MORC3: variants seen among roughly 807,000 people sequenced by gnomAD.
MORC3 encodes the protein MORC family CW-type zinc finger 3, also known as MORC family CW-type zinc finger protein 3.
MORC3 carries 31 observed loss-of-function variants against 109.1 expected under a neutral mutation model. That is an observed-to-expected ratio of 0.28 (90% CI 0.21 to 0.38). The LOEUF is 0.38. MORC3 is among the 10% of genes least tolerant of loss of function. MORC3 has a pLI of 1.00. For missense variants in MORC3, 867 were observed against 1,135.8 expected, an observed-to-expected ratio of 0.76 and a Z score of 3.40; for synonymous variants, 395 against 380.7, an observed-to-expected ratio of 1.04 and a Z score of -0.44.
intron 10 of MORC3, among the ~76,000 whole-genome samples, 162 bp from the exon 11 acceptor site, chr21:36,359,793 G>A (rs1206999107): frequency 2.6e-5 from 4 of 152,068 alleles, no homozygotes; most frequent in East Asian, 1.9e-4. Flanking sequence ...GGGATTATAG[G>A]CATGAGCCGT....
chr21:36,354,824 A>G (rs928333346), intron 9 of MORC3, among the ~76,000 whole-genome samples: 4 of 152,082 alleles, frequency 2.6e-5, no homozygotes, highest in African/African-American at 9.7e-5. Flanking sequence ...GTTCAGAAAC[A>G]CTCATCTCCA....
chr21:36,347,008 A>T (rs1601524769), intron 8 of MORC3, among the ~76,000 whole-genome samples: 1 of 101,572 alleles, frequency 9.8e-6, no homozygotes, highest in African/African-American at 6.2e-5. Context: ...CCTGTCTCTT[A>T]AAAAAAAAAA....
chr21:36,328,504 A>G (rs2085275596), intron 1 of MORC3, among the ~76,000 whole-genome samples: 1 of 151,354 alleles, frequency 6.6e-6, no homozygotes. Context: ...CCACGCCTGG[A>G]TATTTTTTGT....
At chr21:36,364,344 G>A in intron 14 of MORC3, 85 bp downstream of exon 14, 1 of 1,373,648 alleles carries the variant, frequency 7.3e-7, no homozygotes, top group Non-Finnish European at 1.0e-6. Flanking sequence ...TGCAATTCGG[G>A]ATCATTGTAG....
intron 12 of MORC3, chr21:36,360,961 A>G (rs1387905143): frequency 2.0e-5 from 3 of 151,800 alleles, no homozygotes; most frequent in Admixed American, 2.0e-4. Context: ...AATCCCAGCT[A>G]CTCGGGAGGC....
At chr21:36,368,312 G>A (rs1189055117) in intron 14 of MORC3, among the ~76,000 whole-genome samples, 1 of 151,192 alleles carries the variant, frequency 6.6e-6, no homozygotes, top group Non-Finnish European at 1.5e-5. Flanking sequence ...ATGGGCAAAT[G>A]AAAATGGTGG....
At chr21:36,341,972 A>G (rs988520470) in intron 6 of MORC3, among the ~76,000 whole-genome samples, 1 of 152,230 alleles carries the variant, frequency 6.6e-6, no homozygotes, top group Non-Finnish European at 1.5e-5. Context: ...TCACACCTGT[A>G]ATCCCAGCAC....
At chr21:36,330,942 T>C (rs951698152) in intron 1 of MORC3, among the ~76,000 whole-genome samples, 1 of 152,248 alleles carries the variant, frequency 6.6e-6, no homozygotes, top group Non-Finnish European at 1.5e-5. Flanking sequence ...TATGCTGTAT[T>C]ATGTGATGTC....
intron 6 of MORC3, among the ~76,000 whole-genome samples, chr21:36,343,449 CTTTTTTTTTTTTTTTTTGAGA>C (rs2085473892): frequency 1.8e-4 from 23 of 126,134 alleles, no homozygotes; most frequent in Admixed American, 1.4e-3. Context: ...TTTTTGCTTT[CTTTTTTTTTTTTTTTTTGAGA>C]CAGAGTCTCA....
rs532777441 is a variant in MORC3, at chr21:36,371,913, A to G, written c.2509-461A>G. Among the ~76,000 whole-genome samples the G allele has an allele frequency of 1.3e-4, 19 of 151,560 alleles. No individual in the cohort carries two copies. The South Asian group carries it at 2.1e-3, about 17-fold the overall frequency. ...ACCGCAACCTCCACCTCCTGGGTTC[A>G]AGCAGTTCTCCTGCCTCAGCCTCCC... On this transcript the variant is annotated intron_variant, in intron 15 of 16. Transcript: ENST00000400485.
intron 15 of MORC3, among the ~76,000 whole-genome samples, chr21:36,370,559 C>T (rs2085844347): frequency 7.0e-6 from 1 of 143,456 alleles, no homozygotes; most frequent in South Asian, 2.1e-4. Flanking sequence ...TTCAAGATTC[C>T]TGAGAGAAAC....
chr21:36,370,577 T>C (rs147102402), intron 15 of MORC3, among the ~76,000 whole-genome samples: 3,165 of 145,482 alleles, frequency 0.022, 57 homozygotes, highest in Admixed American at 0.042. Flanking sequence ...AACTGACTTA[T>C]CCCTTTTAAA....
chr21:36,355,458 T>C (rs939558653), intron 9 of MORC3, among the ~76,000 whole-genome samples: 3 of 152,146 alleles, frequency 2.0e-5, no homozygotes. Flanking sequence ...GTTTGTCTTT[T>C]CTCTTCAAGG....
rs191124898 is a variant in MORC3, at chr21:36,375,952, C to T, written c.*656C>T. ...TGTTTTTATAGAATGAAGAAACAGT[C>T]TTTAACAGAAAAAAGGTATTGAAAT... On this transcript the variant is annotated 3_prime_UTR_variant, in exon 17 of 17. Coordinates refer to ENST00000400485, the MANE Select transcript of MORC3 (RefSeq NM_015358.3). 1 of 152,286 alleles carries T rather than the reference C, an allele frequency of 6.6e-6. No individual in the cohort carries two copies. The highest frequency in any genetic ancestry group is 1.9e-4 in the East Asian group (1 of 5,190). The allele number at this position is 152,286 out of a possible 1,614,324, so 9.4% of individuals were successfully genotyped here.
Position 36,338,826 on chromosome 21 carries a change from A to G in MORC3, c.513A>G (p.Glu171=). 6 of 1,614,080 alleles carry G rather than the reference A, an allele frequency of 3.7e-6. No homozygotes were observed. Among genetic ancestry groups the G allele is most frequent in the Non-Finnish European group, 5.1e-6 (6 of 1,179,964 alleles). Residue 171 remains glutamate (E), a synonymous_variant, in exon 5 of 17, where the codon GAA becomes GAG. Coordinates refer to ENST00000400485, the MANE Select transcript of MORC3 (RefSeq NM_015358.3). ...ESKASLAAIL[E]HSLFSTEQKL... is the part of the protein sequence containing the mutation. ...AAGCCAGCCTTGCTGCAATTCTGGA[A>G]CATTCTCTGTTTTCCACGGAACAGA...
Position 36,337,759 on chromosome 21 carries a change from G to C in MORC3, c.273G>C (p.Met91Ile). 6.2e-7 allele frequency: 1 copy of C among 1,612,762 alleles called. No individual in the cohort carries two copies. Among genetic ancestry groups the C allele is most frequent in the Non-Finnish European group, 8.5e-7 (1 of 1,179,326 alleles). ...TTGGCTTCAGTGACAAAGTCACCAT[G>C]AATGGTCATGTCCCAGTTGGATTAT... Reference protein sequence around the residue: ...LSFGFSDKVTMNGHVPVGLYG... With the variant: ...LSFGFSDKVTINGHVPVGLYG... Residue 91 changes from methionine to isoleucine, a missense_variant, in exon 4 of 17, where the codon ATG becomes ATC. By Grantham distance (10) the Met-to-Ile change is conservative. Coordinates refer to ENST00000400485, the MANE Select transcript of MORC3 (RefSeq NM_015358.3).
chr21:36,340,638 C>CTTTCT (rs1555906849), intron 5 of MORC3, among the ~76,000 whole-genome samples: 10 of 123,682 alleles, frequency 8.1e-5, no homozygotes, highest in South Asian at 2.4e-4. Context: ...TTCTTTCTTT[C>CTTTCT]TTTTTTTTTT....
chr21:36,372,544 G>C lies in MORC3; in HGVS notation c.2666+13G>C, dbSNP rs1325592098. ...TGGATGGAGAAAGGTAATATTAAAT[G>C]AGGCGTTTTTGTGGGGCTGCAATTA... On this transcript the variant is annotated intron_variant, in intron 16 of 16. Transcript: ENST00000400485. 6.4e-7 allele frequency: 1 copy of C among 1,565,716 alleles called. No individual in the cohort carries two copies. The highest frequency in any genetic ancestry group is 1.2e-5 in the South Asian group (1 of 82,698).
chr21:36,323,005 A>T (rs2085209964), intron 1 of MORC3, among the ~76,000 whole-genome samples: 1 of 152,122 alleles, frequency 6.6e-6, no homozygotes, highest in African/African-American at 2.4e-5. Flanking sequence ...TTTTCCCTGA[A>T]GTTAATTGAT....
Sources: gnomAD v4.1 joint callset for allele counts (sites outside exome capture counted in the v4.1 genomes callset) on GRCh38, gnomAD v4.1.1 for gene constraint, MANE v1.5 for transcripts, NCBI Gene and HGNC (gene_info 2026-07-23, HGNC 2026-07-21) for gene names.